Variants in JAKMIP2 observed in about 807,000 individuals in gnomAD.
JAKMIP2 encodes the protein janus kinase and microtubule interacting protein 2.
Under a neutral mutation model 115.0 loss-of-function variants are expected in JAKMIP2, and 25 were observed. The observed-to-expected ratio is 0.22, with a 90% CI of 0.16 to 0.30. JAKMIP2 has a LOEUF of 0.30. Among genes scored for constraint, JAKMIP2 ranks in the 10% least tolerant of loss-of-function variants. JAKMIP2 has a pLI of 1.00. For synonymous variants in JAKMIP2, 334 were observed against 343.6 expected, an observed-to-expected ratio of 0.97 and a Z score of 0.31; for missense variants, 642 against 957.6, an observed-to-expected ratio of 0.67 and a Z score of 4.35.
At chr5:147,605,498 C>T (rs892680706) in intron 20 of JAKMIP2, among the ~76,000 whole-genome samples, 3 of 152,120 alleles carry the variant, frequency 2.0e-5, no homozygotes, top group African/African-American at 4.8e-5. Context: ...TGTGAGCCAC[C>T]GGGCCTGGGC....
chr5:147,587,452 A>T lies in JAKMIP2; in HGVS notation c.*4255T>A, dbSNP rs888968227. 3 of 151,500 alleles carry T rather than the reference A, an allele frequency of 2.0e-5. No homozygotes were observed. The highest frequency in any genetic ancestry group is 7.3e-5 in the African/African-American group (3 of 41,244). 9.4% of individuals were successfully genotyped at this position (151,500 alleles called of 1,614,324 possible). On this transcript the variant is annotated 3_prime_UTR_variant, in exon 22 of 22. Coordinates refer to ENST00000616793, the MANE Select transcript of JAKMIP2 (RefSeq NM_001270941.2). ...TGTGTGTGTGTGTGTTTGTGTGTGT[A>T]TTCTGTGCCACTCTTTGACAGATTG...
At chr5:147,718,018 C>T (rs1157882339) in intron 1 of JAKMIP2, among the ~76,000 whole-genome samples, 64 of 103,466 alleles carry the variant, frequency 6.2e-4, no homozygotes, top group Non-Finnish European at 1.0e-3. Context: ...TGAAATACGT[C>T]CCATCAATAC....
At chr5:147,698,048 G>A (rs1752175853) in intron 1 of JAKMIP2, among the ~76,000 whole-genome samples, 2 of 152,176 alleles carry the variant, frequency 1.3e-5, no homozygotes, top group Non-Finnish European at 2.9e-5. Flanking sequence ...TGGGAGGGGG[G>A]CTGTATCCTG....
intron 10 of JAKMIP2, 113 bp from the exon 11 acceptor site, chr5:147,637,161 T>C: frequency 1.4e-6 from 1 of 708,900 alleles, no homozygotes; most frequent in Non-Finnish European, 2.5e-6. Context: ...GAATTTTCTA[T>C]GACAAAAGAA....
intron 20 of JAKMIP2, among the ~76,000 whole-genome samples, chr5:147,604,932 C>T (rs1028719919): frequency 9.2e-5 from 14 of 151,512 alleles, no homozygotes; most frequent in Non-Finnish European, 1.6e-4. Flanking sequence ...CCCATCAACC[C>T]GTCATCTACA....
chr5:147,722,043 C>G (rs1753331420), intron 1 of JAKMIP2, among the ~76,000 whole-genome samples: 1 of 152,082 alleles, frequency 6.6e-6, no homozygotes, highest in East Asian at 1.9e-4. Flanking sequence ...CCTATTTACT[C>G]TGAGTTTTCA....
chr5:147,643,503 G>C (rs1238441223), intron 7 of JAKMIP2, among the ~76,000 whole-genome samples: 3 of 152,146 alleles, frequency 2.0e-5, no homozygotes, highest in Non-Finnish European at 4.4e-5. Flanking sequence ...ACAAACCTCA[G>C]CCAAACTCTG....
intron 1 of JAKMIP2, among the ~76,000 whole-genome samples, chr5:147,746,752 A>C (rs1754360252): frequency 1.3e-5 from 2 of 152,156 alleles, no homozygotes; most frequent in Admixed American, 6.5e-5. Context: ...GTTATTACTC[A>C]GAAATTCTCA....
chr5:147,646,297 C>T (rs568378136), intron 5 of JAKMIP2, among the ~76,000 whole-genome samples: 19 of 152,136 alleles, frequency 1.2e-4, no homozygotes, highest in Non-Finnish European at 2.6e-4. Flanking sequence ...TACAAATAAT[C>T]TGACTTAGTC....
rs1267500064 is a variant in JAKMIP2, at chr5:147,720,865, C to T, written c.-148-48911G>A. Among the ~76,000 whole-genome samples, 20 of 152,186 alleles carry T rather than the reference C, an allele frequency of 1.3e-4. No homozygotes were observed. The South Asian group carries it at 3.7e-3, about 28-fold the overall frequency. On this transcript the variant is annotated intron_variant, in intron 1 of 21. Transcript: ENST00000616793. ...CTCTCAGCTCGTCAAAGTCATTCTC[C>T]GTCCAGCTTTGTTCCATTGCTGGTG...
intron 1 of JAKMIP2, among the ~76,000 whole-genome samples, chr5:147,769,914 T>C (rs573321576): frequency 8.6e-4 from 131 of 152,260 alleles, no homozygotes; most frequent in African/African-American, 3.1e-3. Context: ...TCCTTAAAAA[T>C]ATTTACCACA....
intron 5 of JAKMIP2, among the ~76,000 whole-genome samples, chr5:147,647,725 T>A (rs1166289130): frequency 4.6e-5 from 7 of 152,188 alleles, no homozygotes; most frequent in Admixed American, 4.6e-4. Context: ...TTGGTGGGAA[T>A]TGTGACAACT....
At chr5:147,709,584 C>T (rs1051449999) in intron 1 of JAKMIP2, among the ~76,000 whole-genome samples, 7 of 152,134 alleles carry the variant, frequency 4.6e-5, no homozygotes, top group Admixed American at 3.9e-4. Flanking sequence ...GGTGGGGTGG[C>T]TCACGCCTGT....
chr5:147,636,864 A>G, intron 11 of JAKMIP2, 101 bp downstream of exon 11: 1 of 805,002 alleles, frequency 1.2e-6, no homozygotes, highest in Non-Finnish European at 2.2e-6. Flanking sequence ...CACTGTGGAG[A>G]GCCAAGCTGT....
intron 1 of JAKMIP2, among the ~76,000 whole-genome samples, chr5:147,678,057 T>C (rs978605094): frequency 1.3e-5 from 2 of 152,160 alleles, no homozygotes; most frequent in African/African-American, 2.4e-5. Flanking sequence ...CAGGCTGGAG[T>C]GCAGTGGTGC....
intron 1 of JAKMIP2, among the ~76,000 whole-genome samples, chr5:147,699,080 G>T (rs1752222053): frequency 6.6e-6 from 1 of 152,164 alleles, no homozygotes; most frequent in Non-Finnish European, 1.5e-5. Flanking sequence ...CTTTGCTCAT[G>T]CTATGATCTA....
intron 1 of JAKMIP2, among the ~76,000 whole-genome samples, chr5:147,723,659 G>A (rs574857421): frequency 2.0e-5 from 3 of 151,912 alleles, no homozygotes; most frequent in Non-Finnish European, 4.4e-5. Flanking sequence ...TGTGTCTTTC[G>A]ACATAGTTAT....
intron 1 of JAKMIP2, among the ~76,000 whole-genome samples, chr5:147,708,758 C>G (rs987988205): frequency 6.6e-6 from 1 of 152,074 alleles, no homozygotes. Context: ...CAAAGAAATT[C>G]GACAGTTATG....
At chr5:147,613,957 A>G (rs185596955) in intron 19 of JAKMIP2, among the ~76,000 whole-genome samples, 17 of 152,344 alleles carry the variant, frequency 1.1e-4, no homozygotes, top group Non-Finnish European at 1.6e-4. Flanking sequence ...GTGCTGGTGT[A>G]TATTTCCATA....
Sources: allele counts gnomAD v4.1 joint callset (sites outside exome capture counted in the v4.1 genomes callset), GRCh38; gene constraint gnomAD v4.1.1; transcripts MANE v1.5; gene names NCBI Gene and HGNC (gene_info 2026-07-23, HGNC 2026-07-21).